Variants in NLGN4Y observed in about 807,000 individuals in gnomAD.
NLGN4Y encodes neuroligin 4 Y-linked, also known as neuroligin-4, Y-linked.
NLGN4Y carries 4 observed loss-of-function variants against 8.4 expected under a neutral mutation model. The ratio of observed to expected loss-of-function variants is 0.48; its 90% CI spans 0.23 to 1.09. NLGN4Y has a LOEUF of 1.09. Among genes scored for constraint, NLGN4Y ranks in the 50% least tolerant of loss-of-function variants. The pLI is 0.19. For missense variants in NLGN4Y, 90 were observed against 192.3 expected, an observed-to-expected ratio of 0.47 and a Z score of 3.15; for synonymous variants, 35 against 75.6, an observed-to-expected ratio of 0.46 and a Z score of 2.78.
chrY:14,592,895 G>A (rs1010951193), intron 1 of NLGN4Y, among the ~76,000 whole-genome samples: 2 of 32,857 alleles, frequency 6.1e-5, no homozygotes, highest in Admixed American at 2.8e-4. Flanking sequence ...GGAGAATTTC[G>A]AATTCTCAAC....
At chrY:14,639,208 T>C in intron 2 of NLGN4Y, 1 of 157,952 alleles carries the variant, frequency 6.3e-6, no homozygotes, top group Non-Finnish European at 1.2e-5. Flanking sequence ...GATAACCTAC[T>C]AAGGAGAGTA....
intron 1 of NLGN4Y, among the ~76,000 whole-genome samples, chrY:14,529,308 TA>T (rs766609098): frequency 7.1e-5 from 2 of 28,012 alleles, no homozygotes; most frequent in African/African-American, 2.7e-4. Flanking sequence ...TTGGATCCTT[TA>T]AAAAAAAAAA....
chrY:14,778,034 TATAAATAAATAA>T (rs200967958), intron 4 of NLGN4Y, among the ~76,000 whole-genome samples: 2 of 20,915 alleles, frequency 9.6e-5, no homozygotes, highest in Admixed American at 4.5e-4. Flanking sequence ...CCTGTCTCTG[TATAAATAAATAA>T]ATAAATAAAT....
chrY:14,594,747 G>A, intron 1 of NLGN4Y, among the ~76,000 whole-genome samples: 2 of 32,951 alleles, frequency 6.1e-5, no homozygotes. Flanking sequence ...AAGGCAGAAG[G>A]TTTTTCTTCC....
chrY:14,645,163 ATTTTTTTTTTTT>A (rs1238077609), intron 2 of NLGN4Y, among the ~76,000 whole-genome samples: 1 of 13,354 alleles, frequency 7.5e-5, no homozygotes, highest in Admixed American at 6.0e-4. Context: ...TTGGACCTGA[ATTTTTTTTTTTT>A]TTTTTTTTTT....
At chrY:14,596,644 C>A (rs370714127) in intron 1 of NLGN4Y, among the ~76,000 whole-genome samples, 345 of 33,110 alleles carry the variant, frequency 0.01, no homozygotes, top group Middle Eastern at 0.028. Flanking sequence ...ACAACGGTCC[C>A]AACTCCAAAG....
At chrY:14,591,568 G>T (rs2080371838) in intron 1 of NLGN4Y, among the ~76,000 whole-genome samples, 1 of 32,730 alleles carries the variant, frequency 3.1e-5, no homozygotes, top group Non-Finnish European at 7.5e-5. Context: ...CAGGGAGGAG[G>T]TGATGATTTT....
intron 4 of NLGN4Y, among the ~76,000 whole-genome samples, chrY:14,756,986 A>C: frequency 9.0e-5 from 2 of 22,298 alleles, no homozygotes; most frequent in Non-Finnish European, 1.9e-4. Context: ...TCAGTGTGAT[A>C]CTGTTTGGGG....
chrY:14,646,879 G>T, intron 2 of NLGN4Y, among the ~76,000 whole-genome samples: 2 of 34,104 alleles, frequency 5.9e-5, no homozygotes, highest in Non-Finnish European at 1.5e-4. Context: ...AGCTACAGAA[G>T]TTGGTGTGCG....
chrY:14,693,463 T>G, intron 2 of NLGN4Y, among the ~76,000 whole-genome samples: 1 of 32,803 alleles, frequency 3.0e-5, no homozygotes, highest in Non-Finnish European at 7.5e-5. Context: ...GGTCTTGCTC[T>G]GTCTCTCAGA....
chrY:14,531,710 T>C, intron 1 of NLGN4Y, among the ~76,000 whole-genome samples: 1 of 30,594 alleles, frequency 3.3e-5, no homozygotes, highest in Non-Finnish European at 7.7e-5. Flanking sequence ...ATATATTGTG[T>C]AATAAATATA....
chrY:14,744,540 A>C (rs768783717), intron 4 of NLGN4Y, among the ~76,000 whole-genome samples: 2 of 33,482 alleles, frequency 6.0e-5, no homozygotes, highest in South Asian at 1.3e-3. Flanking sequence ...TCCAACCATT[A>C]AGTAAAGCCC....
intron 4 of NLGN4Y, among the ~76,000 whole-genome samples, chrY:14,806,994 A>C (rs1033105383): frequency 9.0e-5 from 3 of 33,237 alleles, no homozygotes; most frequent in Admixed American, 2.8e-4. Context: ...AAGGAAGATG[A>C]GCGTTATGAG....
chrY:14,744,779 A>G (rs2081019394), intron 4 of NLGN4Y, among the ~76,000 whole-genome samples: 1 of 33,915 alleles, frequency 2.9e-5, no homozygotes, highest in Non-Finnish European at 7.4e-5. Context: ...AACATTTTCC[A>G]TCAACCTTAC....
upstream of NLGN4Y, chrY:14,523,945 C>T: frequency 1.8e-5 from 1 of 54,822 alleles, no homozygotes; most frequent in Non-Finnish European, 4.2e-5. Flanking sequence ...ATCCATGCAC[C>T]CCTTTCCCGT....
rs202115828 is a variant in NLGN4Y at position 14,655,508 on chromosome Y, G to A, written c.472+32917G>A. On this transcript the variant is annotated intron_variant, in intron 2 of 6. Coordinates refer to ENST00000684976, the MANE Select transcript of NLGN4Y (RefSeq NM_001365588.1). ...CTGTCTTTTGCCACCAATATGCATTGTTTGTAGGTATCTTTCCATTTCAGC... is the reference window on the plus strand; with the variant it reads ...CTGTCTTTTGCCACCAATATGCATTATTTGTAGGTATCTTTCCATTTCAGC... 1.4e-3 allele frequency among the ~76,000 whole-genome samples: 44 copies of A among 32,148 alleles called. No homozygotes were observed. The East Asian group carries it at 0.035, about 26-fold the overall frequency. 86.3% of individuals were successfully genotyped at this position (32,148 alleles called of 37,273 possible). A position where few individuals can be genotyped will look rare whatever the true frequency, so the allele number is the denominator to read the frequency against.
chrY:14,706,798 ATAT>A (rs2080880397), intron 2 of NLGN4Y, among the ~76,000 whole-genome samples: 5 of 17,441 alleles, frequency 2.9e-4, no homozygotes, highest in African/African-American at 9.8e-4. Flanking sequence ...TTAAAAAAAA[ATAT>A]ATATATATAT....
chrY:14,762,504 A>G lies in NLGN4Y; in HGVS notation c.685+39235A>G, dbSNP rs764131912. 1.5e-4 allele frequency among the ~76,000 whole-genome samples: 5 copies of G among 34,413 alleles called. No homozygotes were observed. The East Asian group carries it at 3.9e-3, about 27-fold the overall frequency. 92.3% of individuals were successfully genotyped at this position (34,413 alleles called of 37,273 possible). A position where few individuals can be genotyped will look rare whatever the true frequency, so the allele number is the denominator to read the frequency against. On this transcript the variant is annotated intron_variant, in intron 4 of 6. Coordinates refer to ENST00000684976, the MANE Select transcript of NLGN4Y (RefSeq NM_001365588.1). Reference sequence around the variant, plus strand: ...AAAATTCAGAAGTGGCACCGAGTTGATCATCTCTGTTATCATCATGAGAAG... The same window carrying G: ...AAAATTCAGAAGTGGCACCGAGTTGGTCATCTCTGTTATCATCATGAGAAG...
chrY:14,716,604 C>A (rs2080916407), intron 2 of NLGN4Y, among the ~76,000 whole-genome samples: 1 of 33,402 alleles, frequency 3.0e-5, no homozygotes, highest in African/African-American at 1.2e-4. Context: ...ATAAATGTGA[C>A]TTCAAAAATA....
Sources: allele counts gnomAD v4.1 joint callset (sites outside exome capture counted in the v4.1 genomes callset), GRCh38; gene constraint gnomAD v4.1.1; transcripts MANE v1.5; gene names NCBI Gene and HGNC (gene_info 2026-07-23, HGNC 2026-07-21).